The following DTWD1 variants were observed in gnomAD, a reference collection of about 807,000 sequenced individuals.
DTWD1 encodes the protein DTW motif tRNA-uridine aminocarboxypropyltransferase 1, also known as tRNA-uridine aminocarboxypropyltransferase 1.
A neutral mutation model predicts 30.2 loss-of-function variants in DTWD1; 27 were observed. The observed-to-expected ratio is 0.90, with a 90% CI of 0.66 to 1.23. The LOEUF is 1.23. DTWD1 is among the 50% of genes most tolerant of loss of function. The pLI, the probability that DTWD1 is intolerant of heterozygous loss-of-function variation, is 0.00. For synonymous variants in DTWD1, 99 were observed against 113.1 expected (o/e 0.88, Z 0.79); for missense variants, 342 against 348.8 (o/e 0.98, Z 0.15).
intron 2 of DTWD1, among the ~76,000 whole-genome samples, chr15:49,628,265 C>A (rs1339547564): frequency 1.3e-5 from 2 of 152,116 alleles, no homozygotes; most frequent in African/African-American, 4.8e-5. Context: ...TTCTGGAATA[C>A]CTCCTTAAGG....
chr15:49,621,361 T>C (rs1364324294), intron 1 of DTWD1: 1 of 152,154 alleles, frequency 6.6e-6, no homozygotes, highest in Non-Finnish European at 1.5e-5. Flanking sequence ...AAAAAAATTA[T>C]TTTTCCTACC....
chr15:49,646,264 A>G lies in DTWD1; in HGVS notation c.*2686A>G, dbSNP rs998681722. 1 of 152,234 alleles carries G rather than the reference A, an allele frequency of 6.6e-6. No individual in the cohort carries two copies. Among genetic ancestry groups the G allele is most frequent in the African/African-American group, 2.4e-5 (1 of 41,476 alleles). The allele number at this position is 152,234 out of a possible 1,614,324, so 9.4% of individuals were successfully genotyped here. Reference sequence around the variant, plus strand: ...AACATGTGAGCAAGGAATGTCTATTATGCCACCAATGTCTTATAGCTATTT... The same window carrying G: ...AACATGTGAGCAAGGAATGTCTATTGTGCCACCAATGTCTTATAGCTATTT... On this transcript the variant is annotated 3_prime_UTR_variant, in exon 5 of 5. Transcript: ENST00000403028.
At chr15:49,625,514 C>A in intron 2 of DTWD1, 83 bp downstream of exon 2, 1 of 1,244,442 alleles carries the variant, frequency 8.0e-7, no homozygotes, top group Non-Finnish European at 1.1e-6. Flanking sequence ...AATTGATAAA[C>A]TTAATAAATA....
chr15:49,635,925 C>G (rs2078995925), intron 4 of DTWD1, among the ~76,000 whole-genome samples: 1 of 152,102 alleles, frequency 6.6e-6, no homozygotes, highest in South Asian at 2.1e-4. Context: ...GGAAATGAAC[C>G]TGTCCATCCC....
At chr15:49,637,376 T>G (rs1368428310) in intron 4 of DTWD1, among the ~76,000 whole-genome samples, 1 of 152,122 alleles carries the variant, frequency 6.6e-6, no homozygotes, top group Non-Finnish European at 1.5e-5. Flanking sequence ...TCACTTGTAC[T>G]TTTTTTCTGT....
intron 2 of DTWD1, 90 bp from the exon 3 acceptor site, chr15:49,632,068 GA>G (rs753403742): frequency 9.1e-5 from 100 of 1,095,666 alleles, no homozygotes; most frequent in Non-Finnish European, 1.7e-5. Flanking sequence ...AGTTTATTGT[GA>G]GCTTCCTATT....
chr15:49,654,803 A>G lies in DTWD1; in HGVS notation c.*11225A>G, dbSNP rs1160083085. 1 of 152,058 alleles carries G rather than the reference A, an allele frequency of 6.6e-6. No homozygotes were observed. The highest frequency in any genetic ancestry group is 2.4e-5 in the African/African-American group (1 of 41,390). 9.4% of individuals were successfully genotyped at this position (152,058 alleles called of 1,614,324 possible). A position where few individuals can be genotyped will look rare whatever the true frequency, so the allele number is the denominator to read the frequency against. The stretch of plus-strand genomic sequence containing the variant: ...TGGAGCTACTGTAACAAAAAATATC[A>G]TAGATTGAGTGACTTAAACAACAGA... On this transcript the variant is annotated 3_prime_UTR_variant, in exon 5 of 5. Coordinates refer to ENST00000403028, the MANE Select transcript of DTWD1 (RefSeq NM_001144955.2).
In DTWD1 at chr15:49,649,754, A is replaced by G. The variant is rs754720653; in HGVS notation, c.*6176A>G. 1 of 152,164 alleles carries G rather than the reference A, an allele frequency of 6.6e-6. No homozygotes were observed. Among genetic ancestry groups the G allele is most frequent in the African/African-American group, 2.4e-5 (1 of 41,400 alleles). The allele number at this position is 152,164 out of a possible 1,614,324, so 9.4% of individuals were successfully genotyped here. A position where few individuals can be genotyped will look rare whatever the true frequency, so the allele number is the denominator to read the frequency against. On this transcript the variant is annotated 3_prime_UTR_variant, in exon 5 of 5. Transcript: ENST00000403028. ...CTCCGTCTCAAAAAAAATAAATAAA[A>G]AAATAAAAAGTCAGCAAAGGGAAGT... is the stretch of plus-strand genomic sequence containing the variant.
rs184039762 is a variant in DTWD1 at position 49,643,376 on chromosome 15, G to A, written c.713G>A (p.Arg238His). 163 of 1,560,560 alleles carry A rather than the reference G, an allele frequency of 1.0e-4. No individual in the cohort carries two copies. The highest frequency in any genetic ancestry group is 1.0e-4 in the Non-Finnish European group (118 of 1,162,486). The stretch of plus-strand genomic sequence containing the variant: ...AAAACAAGAAAAACTTGCTTTTGGC[G>A]CCATCAAAAAGGAAAGCCAGATACT... ...ELKTRKTCFW[R>H]HQKGKPDTFL... Residue 238 changes from arginine to histidine, a missense_variant, in exon 5 of 5, where the codon CGC becomes CAC. Arg to His is a conservative substitution (Grantham distance 29, BLOSUM62 0). Coordinates refer to ENST00000403028, the MANE Select transcript of DTWD1 (RefSeq NM_001144955.2).
chr15:49,626,673 A>T, intron 2 of DTWD1: 1 of 371,702 alleles, frequency 2.7e-6, no homozygotes, highest in Non-Finnish European at 5.6e-6. Flanking sequence ...ATTTGTTTTG[A>T]TGATTTTAAA....
chr15:49,633,777 C>T (rs965847047), intron 3 of DTWD1, among the ~76,000 whole-genome samples: 1 of 152,174 alleles, frequency 6.6e-6, no homozygotes, highest in African/African-American at 2.4e-5. Flanking sequence ...AACATTTATT[C>T]ATTTAACAAA....
intron 2 of DTWD1, among the ~76,000 whole-genome samples, chr15:49,629,332 T>C (rs1214942637): frequency 2.0e-5 from 3 of 152,206 alleles, no homozygotes; most frequent in Non-Finnish European, 4.4e-5. Context: ...CATAAAGCTT[T>C]TTCTTTTATC....
At chr15:49,633,062 T>TATATATATATAG (rs1555588676) in intron 3 of DTWD1, among the ~76,000 whole-genome samples, 6 of 146,502 alleles carry the variant, frequency 4.1e-5, no homozygotes, top group Non-Finnish European at 7.5e-5. Flanking sequence ...TATATATATA[T>TATATATATATAG]ATATATATGT....
At chr15:49,625,502 C>A in intron 2 of DTWD1, 71 bp downstream of exon 2, 1 of 1,303,484 alleles carries the variant, frequency 7.7e-7, no homozygotes. Context: ...TATACCTACT[C>A]TAATTGATAA....
chr15:49,645,408 C>A lies in DTWD1; in HGVS notation c.*1830C>A, dbSNP rs1204037333. On this transcript the variant is annotated 3_prime_UTR_variant, in exon 5 of 5. Transcript: ENST00000403028. ...AAAAAGGAATGTGGATTATATAAGG[C>A]TTGAACATTATTAGTCTTACAGTCT... 1 of 152,078 alleles carries A rather than the reference C, an allele frequency of 6.6e-6. No individual in the cohort carries two copies. Among genetic ancestry groups the A allele is most frequent in the Non-Finnish European group, 1.5e-5 (1 of 68,018 alleles). The allele number at this position is 152,078 out of a possible 1,614,324, so 9.4% of individuals were successfully genotyped here. A position where few individuals can be genotyped will look rare whatever the true frequency, so the allele number is the denominator to read the frequency against.
chr15:49,630,728 C>T (rs2078908301), intron 2 of DTWD1: 1 of 152,396 alleles, frequency 6.6e-6, no homozygotes, highest in African/African-American at 2.4e-5. Flanking sequence ...GTCCCCAATC[C>T]CCAGACCACA....
intron 1 of DTWD1, 77 bp from the exon 2 acceptor site, chr15:49,625,032 AAATT>A (rs1418616625): frequency 5.7e-6 from 5 of 884,186 alleles, no homozygotes; most frequent in Non-Finnish European, 6.8e-6. Flanking sequence ...ATTGTGACTT[AAATT>A]GAGTAATTTT....
Position 49,656,079 on chromosome 15 carries a change from G to A in DTWD1, c.*12501G>A, listed in dbSNP as rs1041506025. On this transcript the variant is annotated 3_prime_UTR_variant, in exon 5 of 5. Transcript: ENST00000403028. Reference sequence around the variant, plus strand: ...TAATGAGCAGCTGTTAATTTCTGAAGCAGAAAGAAAGATGAATAAAAGTTC... The same window carrying A: ...TAATGAGCAGCTGTTAATTTCTGAAACAGAAAGAAAGATGAATAAAAGTTC... 1.3e-5 allele frequency: 2 copies of A among 152,040 alleles called. No homozygotes were observed. Among genetic ancestry groups the A allele is most frequent in the African/African-American group, 2.4e-5 (1 of 41,444 alleles). The allele number at this position is 152,040 out of a possible 1,614,324, so 9.4% of individuals were successfully genotyped here.
rs1345199235 is a variant in DTWD1 at position 49,649,529 on chromosome 15, G to A, written c.*5951G>A. 1 of 152,202 alleles carries A rather than the reference G, an allele frequency of 6.6e-6. No individual in the cohort carries two copies. The highest frequency in any genetic ancestry group is 1.5e-5 in the Non-Finnish European group (1 of 68,098). The allele number at this position is 152,202 out of a possible 1,614,324, so 9.4% of individuals were successfully genotyped here. On this transcript the variant is annotated 3_prime_UTR_variant, in exon 5 of 5. Transcript: ENST00000403028. ...AGGCAGGTGGATCGCCTGAGGTCTG[G>A]AGTTTAAGACCAGCCTGGCTAACAT...
Sources: allele counts gnomAD v4.1 joint callset (sites outside exome capture counted in the v4.1 genomes callset), GRCh38; gene constraint gnomAD v4.1.1; transcripts MANE v1.5; gene names NCBI Gene and HGNC (gene_info 2026-07-23, HGNC 2026-07-21).